Variants in INSR observed in about 807,000 individuals in gnomAD.
INSR encodes the protein insulin receptor, also known as IR.
In INSR, 67 loss-of-function variants were observed where a neutral mutation model predicts 142.6. The observed-to-expected ratio is 0.47, with a 90% CI of 0.39 to 0.58. INSR has a LOEUF of 0.58. INSR is among the 20% of genes least tolerant of loss of function. The pLI is 0.00. For missense variants in INSR, 1,248 were observed against 1,833.2 expected, an observed-to-expected ratio of 0.68 and a Z score of 5.83; for synonymous variants, 756 against 743.1, an observed-to-expected ratio of 1.02 and a Z score of -0.28.
intron 1 of INSR, among the ~76,000 whole-genome samples, chr19:7,286,148 T>C (rs1968339710): frequency 6.6e-6 from 1 of 151,460 alleles, no homozygotes; most frequent in South Asian, 2.1e-4. Flanking sequence ...TCTGGATAAT[T>C]TTTTTGTAGG....
Position 7,125,889 on chromosome 19 carries a change from T to C in INSR, c.3014-362A>G, listed in dbSNP as rs7258944. Among the ~76,000 whole-genome samples the C allele has an allele frequency of 0.47, 71,808 of 151,706 alleles. 17,187 individuals are homozygous for C. Among genetic ancestry groups the C allele is most frequent in the Admixed American group, 0.56 (8,596 of 15,258 alleles). On this transcript the variant is annotated intron_variant, in intron 16 of 21. Coordinates refer to ENST00000302850, the MANE Select transcript of INSR (RefSeq NM_000208.4). The surrounding 1 kb of genome is among the most constrained non-coding windows in gnomAD (Gnocchi z 4.9). ...AAGTGCCAAGGGGATGGAAGACAGG[T>C]TGTAATAGGTTGGGGAAAAAAAAAG...
At chr19:7,134,896 G>A (rs1389984873) in intron 13 of INSR, among the ~76,000 whole-genome samples, 1 of 151,960 alleles carries the variant, frequency 6.6e-6, no homozygotes, top group African/African-American at 2.4e-5. Flanking sequence ...CCTGTGATAA[G>A]CACGTAACTA....
At chr19:7,152,395 G>A (rs1385561686) in intron 10 of INSR, 1 of 334,550 alleles carries the variant, frequency 3.0e-6, no homozygotes, top group African/African-American at 2.3e-5. Flanking sequence ...AAAAAAAAAA[G>A]AGAGAGAGAG....
rs138289202 is a variant in INSR at position 7,197,719 on chromosome 19, AGTGT to A, written c.653-13086_653-13083del. 9.1e-3 allele frequency among the ~76,000 whole-genome samples: 500 copies of A among 55,012 alleles called. 13 individuals are homozygous for A. Among genetic ancestry groups the A allele is most frequent in the Non-Finnish European group, 0.015 (423 of 28,490 alleles). 36.1% of individuals were successfully genotyped at this position (55,012 alleles called of 152,430 possible). A position where few individuals can be genotyped will look rare whatever the true frequency, so the allele number is the denominator to read the frequency against. On this transcript the variant is annotated intron_variant, in intron 2 of 21. Coordinates refer to ENST00000302850, the MANE Select transcript of INSR (RefSeq NM_000208.4). ...TGTGTTTGGCAGGTTCCAGAGTGGG[AGTGT>A]GTGTGTGTGTGTGATTGGCAGGTTC...
intron 19 of INSR, among the ~76,000 whole-genome samples, chr19:7,121,707 G>A (rs895511519): frequency 6.6e-6 from 1 of 152,182 alleles, no homozygotes; most frequent in African/African-American, 2.4e-5. Flanking sequence ...GACTCAAGCA[G>A]TCTTTACACA....
intron 9 of INSR, among the ~76,000 whole-genome samples, chr19:7,154,590 CTG>C (rs1973541561): frequency 6.6e-6 from 1 of 150,968 alleles, no homozygotes; most frequent in Non-Finnish European, 1.5e-5. Context: ...GCGTGAGCCA[CTG>C]CACCCGGCCC....
intron 2 of INSR, among the ~76,000 whole-genome samples, chr19:7,254,696 T>A (rs10417205): frequency 0.68 from 103,428 of 152,070 alleles, 35,379 homozygotes; most frequent in Admixed American, 0.77. Context: ...AACAGATCAC[T>A]GAAGGACCTG....
chr19:7,279,776 A>G (rs1013914695), intron 1 of INSR, among the ~76,000 whole-genome samples: 1 of 150,622 alleles, frequency 6.6e-6, no homozygotes, highest in South Asian at 2.1e-4. Flanking sequence ...GGAGTTTGAG[A>G]TTGGCCTGGG....
At chr19:7,172,965 G>A (rs1363090357) in intron 4 of INSR, among the ~76,000 whole-genome samples, 1 of 151,806 alleles carries the variant, frequency 6.6e-6, no homozygotes, top group Admixed American at 6.6e-5. Context: ...TACCTGTTTT[G>A]TAAATAAAGT....
intron 11 of INSR, among the ~76,000 whole-genome samples, chr19:7,146,315 C>G (rs1307988611): frequency 7.1e-6 from 1 of 141,364 alleles, no homozygotes; most frequent in Non-Finnish European, 1.5e-5. Flanking sequence ...AACCTCGGTT[C>G]ACTGCAACCT....
chr19:7,294,375 T>C lies in INSR; in HGVS notation c.-484A>G, dbSNP rs555255297. On this transcript the variant is annotated 5_prime_UTR_variant, in exon 1 of 22. Transcript: ENST00000302850. ...CCCGTAAACAACGCGGCCCGTCAGCTGGGCCCCGTGCGGGCCGCGGGAAAA... is the reference window on the plus strand; with the variant it reads ...CCCGTAAACAACGCGGCCCGTCAGCCGGGCCCCGTGCGGGCCGCGGGAAAA... 5.9e-4 allele frequency among the ~76,000 whole-genome samples: 89 copies of C among 151,194 alleles called. No individual in the cohort carries two copies. The highest frequency in any genetic ancestry group is 2.1e-3 in the African/African-American group (86 of 41,258).
chr19:7,169,387 T>C (rs572596824), intron 6 of INSR, among the ~76,000 whole-genome samples: 169 of 150,482 alleles, frequency 1.1e-3, no homozygotes, highest in Non-Finnish European at 2.1e-3. Flanking sequence ...CTGGCCAACA[T>C]GGCAAAACCC....
rs368646614 is a variant in INSR, at chr19:7,275,002, G to A, written c.101-7106C>T. 1.7e-4 allele frequency among the ~76,000 whole-genome samples: 25 copies of A among 150,916 alleles called. No individual in the cohort carries two copies. In the East Asian group the frequency reaches 2.8e-3, roughly 17 times the overall value. ...TTTTTTTTTTTTGGTCAGAGAGGGA[G>A]TTTCACTCTGTTGCCCAGGCTGGAA... On this transcript the variant is annotated intron_variant, in intron 1 of 21. Transcript: ENST00000302850.
intron 13 of INSR, among the ~76,000 whole-genome samples, chr19:7,134,511 A>G (rs1052723183): frequency 5.9e-5 from 9 of 151,780 alleles, no homozygotes; most frequent in Non-Finnish European, 1.3e-4. Context: ...TCATGCCTGT[A>G]ATTCCAGCAC....
At chr19:7,206,159 G>A (rs1975099242) in intron 2 of INSR, among the ~76,000 whole-genome samples, 1 of 145,000 alleles carries the variant, frequency 6.9e-6, no homozygotes, top group African/African-American at 2.5e-5. Context: ...ATTAAACCAG[G>A]GGTCCCCCAC....
intron 13 of INSR, 139 bp downstream of exon 13, chr19:7,141,538 G>C (rs557481375): frequency 4.8e-6 from 6 of 1,241,012 alleles, no homozygotes; most frequent in African/African-American, 1.5e-5. Flanking sequence ...AGGTATCAAG[G>C]CTTTAAGTAC....
intron 2 of INSR, among the ~76,000 whole-genome samples, chr19:7,227,142 A>G (rs1481894433): frequency 2.0e-5 from 3 of 152,210 alleles, no homozygotes; most frequent in Admixed American, 2.0e-4. Context: ...TTTCCAGCAT[A>G]TACCTTTTCT....
chr19:7,153,035 C>CCACAAAT, intron 9 of INSR, 108 bp from the exon 10 acceptor site: 1 of 379,566 alleles, frequency 2.6e-6, no homozygotes. Flanking sequence ...ACCACACACA[C>CCACAAAT]ACACACCACA....
intron 11 of INSR, among the ~76,000 whole-genome samples, chr19:7,147,260 C>T (rs1973207239): frequency 6.6e-6 from 1 of 151,882 alleles, no homozygotes; most frequent in Non-Finnish European, 1.5e-5. Context: ...CTGCAACCTC[C>T]ACCTCCCAGG....
Sources: gnomAD v4.1 joint callset for allele counts (sites outside exome capture counted in the v4.1 genomes callset) on GRCh38, gnomAD v4.1.1 for gene constraint, Gnocchi (gnomAD v3.1) non-coding constraint, MANE v1.5 for transcripts, NCBI Gene and HGNC (gene_info 2026-07-23, HGNC 2026-07-21) for gene names.